NFATC1: variants seen among roughly 807,000 people sequenced by gnomAD.
NFATC1 encodes the protein nuclear factor of activated T-cells, cytoplasmic 1.
NFATC1 carries 22 observed loss-of-function variants against 76.0 expected under a neutral mutation model. That is an observed-to-expected ratio of 0.29 (90% CI 0.21 to 0.41). NFATC1 has a LOEUF of 0.41. Among genes scored for constraint, NFATC1 ranks in the 10% least tolerant of loss-of-function variants. The pLI, the probability that NFATC1 is intolerant of heterozygous loss-of-function variation, is 1.00. For missense variants in NFATC1, 1,357 were observed against 1,337.7 expected (o/e 1.01, Z -0.23); for synonymous variants, 704 against 613.1 (o/e 1.15, Z -2.19).
intron 3 of NFATC1, among the ~76,000 whole-genome samples, chr18:79,435,795 T>C (rs1020143254): frequency 3.9e-5 from 6 of 152,250 alleles, no homozygotes; most frequent in Admixed American, 2.0e-4. Context: ...GTGGCCCGTG[T>C]GTGCGCAGCA....
intron 8 of NFATC1, chr18:79,469,712 C>T (rs900536277): frequency 4.6e-5 from 45 of 985,840 alleles, no homozygotes; most frequent in African/African-American, 3.5e-4. Flanking sequence ...CACCAGCCTT[C>T]GCCCGTTCTC....
intron 9 of NFATC1, among the ~76,000 whole-genome samples, chr18:79,508,749 G>A (rs546057924): frequency 6.7e-6 from 1 of 149,132 alleles, no homozygotes; most frequent in Admixed American, 6.7e-5. Context: ...ATCTCTCTCC[G>A]TCTCCCTCCC....
intron 6 of NFATC1, among the ~76,000 whole-genome samples, chr18:79,455,396 C>T (rs948893952): frequency 1.3e-5 from 2 of 151,716 alleles, no homozygotes; most frequent in African/African-American, 4.9e-5. Context: ...TCTCCTTCTC[C>T]AGGTAATCAG....
intron 9 of NFATC1, chr18:79,523,905 C>T (rs1418169526): frequency 8.5e-5 from 13 of 152,238 alleles, no homozygotes; most frequent in Non-Finnish European, 1.5e-5. Context: ...TAAGTTTCCT[C>T]TTTCAGGTCT....
intron 4 of NFATC1, among the ~76,000 whole-genome samples, chr18:79,449,707 C>G (rs779337297): frequency 6.6e-6 from 1 of 152,146 alleles, no homozygotes; most frequent in Non-Finnish European, 1.5e-5. Flanking sequence ...CGAGGGTGAC[C>G]CGCAGGCTGG....
At chr18:79,467,330 G>A in intron 7 of NFATC1, 120 bp from the exon 8 acceptor site, 2 of 994,702 alleles carry the variant, frequency 2.0e-6, no homozygotes, top group Non-Finnish European at 2.9e-6. Flanking sequence ...GGCCGCCGTG[G>A]AAACGCGGGG....
chr18:79,480,727 C>T (rs2089243399), intron 8 of NFATC1, among the ~76,000 whole-genome samples: 1 of 152,198 alleles, frequency 6.6e-6, no homozygotes. Context: ...CGGCCTTGGC[C>T]CGTGGGGCGG....
chr18:79,457,613 G>T (rs2087807507), intron 6 of NFATC1, among the ~76,000 whole-genome samples: 1 of 152,220 alleles, frequency 6.6e-6, no homozygotes, highest in African/African-American at 2.4e-5. Context: ...ATAATTCGGT[G>T]GGTTTTGGTG....
chr18:79,511,878 T>C (rs2090262918), intron 9 of NFATC1, among the ~76,000 whole-genome samples: 1 of 151,988 alleles, frequency 6.6e-6, no homozygotes, highest in South Asian at 2.1e-4. Context: ...TTGGCAGGAT[T>C]CGGGGCTTCT....
At chr18:79,466,904 G>T (rs2088526639) in intron 7 of NFATC1, among the ~76,000 whole-genome samples, 1 of 152,182 alleles carries the variant, frequency 6.6e-6, no homozygotes, top group Non-Finnish European at 1.5e-5. Flanking sequence ...GCTGGCGGCG[G>T]AGCCTTGGGT....
At chr18:79,435,740 T>G (rs143255774) in intron 3 of NFATC1, among the ~76,000 whole-genome samples, 2 of 152,268 alleles carry the variant, frequency 1.3e-5, no homozygotes, top group East Asian at 1.9e-4. Context: ...AAACAGTAAT[T>G]AAAAATATCT....
chr18:79,452,449 C>G (rs1185219855), intron 6 of NFATC1, among the ~76,000 whole-genome samples: 1 of 152,206 alleles, frequency 6.6e-6, no homozygotes, highest in Non-Finnish European at 1.5e-5. Context: ...CCTCCTGGGG[C>G]CGTCACGCCT....
chr18:79,495,689 C>T (rs369720310), intron 9 of NFATC1, among the ~76,000 whole-genome samples: 2 of 152,272 alleles, frequency 1.3e-5, no homozygotes, highest in Non-Finnish European at 1.5e-5. Flanking sequence ...GCCGCGACTG[C>T]GCGTCTGGGC....
chr18:79,457,694 A>G (rs961704187), intron 6 of NFATC1, among the ~76,000 whole-genome samples: 2 of 152,158 alleles, frequency 1.3e-5, no homozygotes, highest in Non-Finnish European at 2.9e-5. Flanking sequence ...ACCCTTGCCC[A>G]TGAGTGGCCA....
intron 9 of NFATC1, among the ~76,000 whole-genome samples, chr18:79,522,341 G>A (rs11663132): frequency 0.049 from 5,171 of 106,016 alleles, 201 homozygotes; most frequent in Admixed American, 0.084. Flanking sequence ...TGTGTGTGGT[G>A]GGGGGTGTCC....
intron 5 of NFATC1, 77 bp downstream of exon 5, chr18:79,451,203 C>A: frequency 6.7e-7 from 1 of 1,502,618 alleles, no homozygotes; most frequent in Non-Finnish European, 9.0e-7. Context: ...CCGCTCTCAG[C>A]TTTTCGTTCG....
rs1302904644 is a variant in NFATC1 at position 79,455,770 on chromosome 18, G to GCCCCATCCCACGGCCA, written c.1903+3969_1903+3970insACCCCATCCCACGGCC. ...CTCACGGCCGCCCCATCCCACGGCC[G>GCCCCATCCCACGGCCA]CCCCATCCCACGGCCGCCCCATCCC... is the stretch of plus-strand genomic sequence containing the variant. On this transcript the variant is annotated intron_variant, in intron 6 of 9. Coordinates refer to ENST00000427363, the MANE Select transcript of NFATC1 (RefSeq NM_001278669.2). Among the ~76,000 whole-genome samples the GCCCCATCCCACGGCCA allele has an allele frequency of 5.4e-3, 58 of 10,646 alleles. 3 individuals carry two copies. Among genetic ancestry groups the GCCCCATCCCACGGCCA allele is most frequent in the Non-Finnish European group, 3.4e-3 (14 of 4,178 alleles). The allele number at this position is 10,646 out of a possible 152,430, so 7.0% of individuals were successfully genotyped here. A position where few individuals can be genotyped will look rare whatever the true frequency, so the allele number is the denominator to read the frequency against.
chr18:79,410,171 G>C lies in NFATC1; in HGVS notation c.128-232G>C. 1.3e-6 allele frequency: 1 copy of C among 764,008 alleles called. No individual in the cohort carries two copies. The highest frequency in any genetic ancestry group is 2.5e-5 in the East Asian group (1 of 40,672). The allele number at this position is 764,008 out of a possible 1,614,324, so 47.3% of individuals were successfully genotyped here. A position where few individuals can be genotyped will look rare whatever the true frequency, so the allele number is the denominator to read the frequency against. ...CTTGTGCTGCTGTTAGGGGAGGAGG[G>C]GAGGTGGGCAGTGAGGGGCTCACGG... On this transcript the variant is annotated intron_variant, in intron 1 of 9. Coordinates refer to ENST00000427363, the MANE Select transcript of NFATC1 (RefSeq NM_001278669.2). The surrounding 1 kb of genome is among the most constrained non-coding windows in gnomAD (Gnocchi z 6.7).
At chr18:79,467,863 A>G (rs1054372014) in intron 8 of NFATC1, 6 of 1,193,036 alleles carry the variant, frequency 5.0e-6, no homozygotes, top group Non-Finnish European at 6.3e-6. Context: ...AGCCAAGGGG[A>G]AAACATGGCT....
Sources: gnomAD v4.1 joint callset for allele counts (sites outside exome capture counted in the v4.1 genomes callset) on GRCh38, gnomAD v4.1.1 for gene constraint, Gnocchi (gnomAD v3.1) non-coding constraint, MANE v1.5 for transcripts, NCBI Gene and HGNC (gene_info 2026-07-23, HGNC 2026-07-21) for gene names.